DIAPH1: variants seen among roughly 807,000 people sequenced by gnomAD.
DIAPH1 encodes diaphanous related formin 1, also known as protein diaphanous homolog 1.
A neutral mutation model predicts 140.7 loss-of-function variants in DIAPH1; 46 were observed. The observed-to-expected ratio is 0.33, with a 90% CI of 0.26 to 0.42. The LOEUF (loss-of-function observed/expected upper bound fraction) is 0.42. Among genes scored for constraint, DIAPH1 ranks in the 10% least tolerant of loss-of-function variants. The probability of loss-of-function intolerance (pLI) is 1.00; values close to 1 mark genes in which losing one functional copy is unlikely to be tolerated. For missense variants in DIAPH1, 1,310 were observed against 1,558.7 expected (o/e 0.84, Z 2.69); for synonymous variants, 565 against 551.6 (o/e 1.02, Z -0.34).
intron 1 of DIAPH1, among the ~76,000 whole-genome samples, chr5:141,601,837 G>A (rs1357969856): frequency 6.6e-6 from 1 of 152,196 alleles, no homozygotes; most frequent in East Asian, 1.9e-4. Context: ...AGTACACTAT[G>A]ATTGTTACGA....
chr5:141,525,382 G>T (rs1033961682), intron 26 of DIAPH1, among the ~76,000 whole-genome samples: 1 of 152,028 alleles, frequency 6.6e-6, no homozygotes, highest in Non-Finnish European at 1.5e-5. Context: ...TGCCCACAGA[G>T]AGAGCAGTGG....
At chr5:141,519,745 A>G (rs1462558593) in intron 27 of DIAPH1, among the ~76,000 whole-genome samples, 1 of 152,136 alleles carries the variant, frequency 6.6e-6, no homozygotes, top group African/African-American at 2.4e-5. Context: ...GGGGATGAGA[A>G]AGCTCTTGTT....
At chr5:141,590,278 C>T (rs2099898197) in intron 1 of DIAPH1, among the ~76,000 whole-genome samples, 1 of 152,190 alleles carries the variant, frequency 6.6e-6, no homozygotes, top group Non-Finnish European at 1.5e-5. Flanking sequence ...AGCAAACAAA[C>T]TTTGACCTCC....
At chr5:141,569,699 C>T (rs571508023) in intron 18 of DIAPH1, among the ~76,000 whole-genome samples, 1 of 152,148 alleles carries the variant, frequency 6.6e-6, no homozygotes, top group Non-Finnish European at 1.5e-5. Flanking sequence ...GAGGCGAAGG[C>T]TGCAGTGAGC....
chr5:141,516,841 A>G lies in DIAPH1; in HGVS notation c.*10T>C. ...TCCGCTGAGGAGCTGCCGCGGTCAC[A>G]GGACCCACATTAGCTTGCACGGCCA... On this transcript the variant is annotated 3_prime_UTR_variant, in exon 28 of 28. Transcript: ENST00000389054. The G allele has an allele frequency of 6.2e-7, 1 of 1,613,946 alleles. No homozygotes were observed. The highest frequency in any genetic ancestry group is 8.5e-7 in the Non-Finnish European group (1 of 1,180,004).
chr5:141,541,740 TAGAA>T (rs1245685414), intron 18 of DIAPH1, among the ~76,000 whole-genome samples: 2 of 142,826 alleles, frequency 1.4e-5, no homozygotes, highest in Admixed American at 1.4e-4. Context: ...AATGAACAAC[TAGAA>T]AGAGAAATAA....
intron 2 of DIAPH1, 95 bp from the exon 3 acceptor site, chr5:141,587,292 C>T: frequency 1.6e-6 from 2 of 1,282,150 alleles, no homozygotes; most frequent in Non-Finnish European, 1.1e-6. Flanking sequence ...CTTACACAGG[C>T]ATGGTTCCTC....
chr5:141,587,717 G>C lies in DIAPH1; in HGVS notation c.144+507C>G, dbSNP rs562549467. Among the ~76,000 whole-genome samples the C allele has an allele frequency of 2.6e-5, 4 of 152,312 alleles. No homozygotes were observed. The South Asian group carries it at 8.3e-4, about 32-fold the overall frequency. On this transcript the variant is annotated intron_variant, in intron 2 of 27. Coordinates refer to ENST00000389054, the MANE Select transcript of DIAPH1 (RefSeq NM_005219.5). ...TTAATTTGTACACTCCAAAGCACTT[G>C]TGTAATGTAGGCAGCAAAAGTTCAA...
chr5:141,524,313 T>C, intron 26 of DIAPH1, 84 bp from the exon 27 acceptor site: 1 of 1,293,130 alleles, frequency 7.7e-7, no homozygotes, highest in Non-Finnish European at 1.1e-6. Flanking sequence ...AATGAATGGC[T>C]ATTGCTTGAT....
At position 141,515,965 on chromosome 5, in the gene DIAPH1, A is replaced by C. The variant is rs2099885615; in HGVS notation, c.*886T>G. On this transcript the variant is annotated 3_prime_UTR_variant, in exon 28 of 28. Transcript: ENST00000389054. ...AGATCCATTTGCAAAACAATTTCTC[A>C]GCCAGGAGGCTCCACCTCCCATTTC... is the stretch of plus-strand genomic sequence containing the variant. 6.6e-6 allele frequency: 1 copy of C among 152,256 alleles called. No individual in the cohort carries two copies. Among genetic ancestry groups the C allele is most frequent in the South Asian group, 2.1e-4 (1 of 4,834 alleles). The allele number at this position is 152,256 out of a possible 1,614,324, so 9.4% of individuals were successfully genotyped here. A position where few individuals can be genotyped will look rare whatever the true frequency, so the allele number is the denominator to read the frequency against.
intron 18 of DIAPH1, among the ~76,000 whole-genome samples, chr5:141,569,788 A>G (rs1245198831): frequency 6.6e-6 from 1 of 152,082 alleles, no homozygotes; most frequent in African/African-American, 2.4e-5. Flanking sequence ...TAAAAAAAAT[A>G]AAAGTAGTTA....
Position 141,571,973 on chromosome 5 carries a change from T to A in DIAPH1, c.2426A>T (p.Asn809Ile). The change falls in exon 17 of 28, where the codon AAT (asparagine) becomes ATT (isoleucine). Residue 809 changes from asparagine to isoleucine, a missense_variant. This residue lies in a region of DIAPH1 where 589 missense variants were observed against 549.3 expected (regional missense o/e 1.07). Coordinates refer to ENST00000389054, the MANE Select transcript of DIAPH1 (RefSeq NM_005219.5). ...TKVKEDRFEN[N>I]ELFAKLTLTF... ...AAGGGTAAGTTTGGCGAAAAGTTCA[T>A]TGTTCTCAAAGCGGTCCTCCTTCAC... 1 of 1,614,180 alleles carries A rather than the reference T, an allele frequency of 6.2e-7. No homozygotes were observed. The highest frequency in any genetic ancestry group is 8.5e-7 in the Non-Finnish European group (1 of 1,180,036).
chr5:141,551,319 G>A (rs144093128), intron 18 of DIAPH1, among the ~76,000 whole-genome samples: 187 of 152,142 alleles, frequency 1.2e-3, no homozygotes, highest in Middle Eastern at 0.01. Flanking sequence ...AGCCAGGTGC[G>A]GTGGCACACG....
In DIAPH1 at chr5:141,515,949, T is replaced by C. The variant is rs1473364369; in HGVS notation, c.*902A>G. The C allele has an allele frequency of 6.6e-6, 1 of 152,258 alleles. No individual in the cohort carries two copies. Among genetic ancestry groups the C allele is most frequent in the Non-Finnish European group, 1.5e-5 (1 of 68,078 alleles). 9.4% of individuals were successfully genotyped at this position (152,258 alleles called of 1,614,324 possible). A position where few individuals can be genotyped will look rare whatever the true frequency, so the allele number is the denominator to read the frequency against. ...TTTTTCATACAAAAATAGATCCATT[T>C]GCAAAACAATTTCTCAGCCAGGAGG... On this transcript the variant is annotated 3_prime_UTR_variant, in exon 28 of 28. Transcript: ENST00000389054.
At chr5:141,598,863 G>A (rs1596402958) in intron 1 of DIAPH1, among the ~76,000 whole-genome samples, 1 of 152,158 alleles carries the variant, frequency 6.6e-6, no homozygotes, top group East Asian at 1.9e-4. Flanking sequence ...AGTGGTGGTG[G>A]TTGTGTGTAT....
intron 1 of DIAPH1, among the ~76,000 whole-genome samples, chr5:141,603,865 C>T (rs2099900529): frequency 6.6e-6 from 1 of 152,114 alleles, no homozygotes; most frequent in African/African-American, 2.4e-5. Flanking sequence ...TAACTTTTTG[C>T]CTACAGCTCA....
At chr5:141,524,575 T>G in intron 26 of DIAPH1, 1 of 374,022 alleles carries the variant, frequency 2.7e-6, no homozygotes, top group South Asian at 2.2e-5. Flanking sequence ...ATTGTGAAAT[T>G]ACTAAGCAAC....
intron 24 of DIAPH1, among the ~76,000 whole-genome samples, chr5:141,526,733 T>C (rs547228569): frequency 1.3e-5 from 2 of 152,324 alleles, no homozygotes; most frequent in East Asian, 3.9e-4. Flanking sequence ...GGTTTTGTTC[T>C]ATCGCCGGGC....
At position 141,578,308 on chromosome 5, in the gene DIAPH1, C is replaced by T. The variant is rs1457217172; in HGVS notation, c.1080G>A (p.Val360=). ...LREIENEDMR[V]QLNVFDEQGE... is the part of the protein sequence containing the mutation. ...CTTGTTCATCAAACACATTTAGTTG[C>T]ACTCTCATATCTTCATTTTCAATCT... The change falls in exon 11 of 28, where the codon GTG becomes GTA. Residue 360 remains valine (V), a synonymous_variant. Transcript: ENST00000389054. The T allele has an allele frequency of 6.2e-7, 1 of 1,614,088 alleles. No homozygotes were observed. Among genetic ancestry groups the T allele is most frequent in the East Asian group, 2.2e-5 (1 of 44,880 alleles).
Sources: allele counts gnomAD v4.1 joint callset (sites outside exome capture counted in the v4.1 genomes callset), GRCh38; gene constraint gnomAD v4.1.1; regional missense constraint gnomAD v4.1.1; transcripts MANE v1.5; gene names NCBI Gene and HGNC (gene_info 2026-07-23, HGNC 2026-07-21).